The following UNC13C variants were observed in gnomAD, a reference collection of about 807,000 sequenced individuals.
UNC13C encodes protein unc-13 homolog C.
UNC13C carries 174 observed loss-of-function variants against 245.4 expected under a neutral mutation model. The ratio of observed to expected loss-of-function variants is 0.71; its 90% CI spans 0.63 to 0.80. The LOEUF is 0.80. UNC13C is among the 30% of genes least tolerant of loss of function. UNC13C has a pLI of 0.00. For missense variants in UNC13C, 2,829 were observed against 2,602.9 expected (o/e 1.09, Z -1.89); for synonymous variants, 992 against 895.1 (o/e 1.11, Z -1.93).
intron 19 of UNC13C, among the ~76,000 whole-genome samples, chr15:54,490,053 T>C (rs570803142): frequency 6.6e-6 from 1 of 152,234 alleles, no homozygotes; most frequent in Admixed American, 6.5e-5. Context: ...AAATATCAGC[T>C]GATAGTGCAT....
the UNC13C span, among the ~76,000 whole-genome samples, chr15:53,873,854 C>CTCT: frequency 1.5e-5 from 2 of 131,640 alleles, no homozygotes; most frequent in African/African-American, 2.8e-5. Context: ...AGCATCTATC[C>CTCT]CTCTCTCTCT....
rs189426175 is a variant in UNC13C, at chr15:54,424,114, A to G, written c.4933+9047A>G. Among the ~76,000 whole-genome samples, 14 of 152,016 alleles carry G rather than the reference A, an allele frequency of 9.2e-5. 1 individual carries two copies. Among genetic ancestry groups the G allele is most frequent in the Admixed American group, 7.2e-4 (11 of 15,230 alleles). On this transcript the variant is annotated intron_variant, in intron 19 of 32. Coordinates refer to ENST00000260323, the MANE Select transcript of UNC13C (RefSeq NM_001080534.3). ...TATTATCTAAACTACTTGAACTTGA[A>G]TTGTGGAACTTGTAAATTTGGCTGT...
chr15:53,879,693 A>T, the UNC13C span, among the ~76,000 whole-genome samples: 1 of 152,084 alleles, frequency 6.6e-6, no homozygotes, highest in African/African-American at 2.4e-5. Context: ...GGTTCAAGCA[A>T]TTCTCTGCCT....
intron 2 of UNC13C, among the ~76,000 whole-genome samples, chr15:54,104,759 A>C (rs1186394222): frequency 6.6e-6 from 1 of 151,210 alleles, no homozygotes; most frequent in Admixed American, 6.6e-5. Context: ...TTGATTTTCC[A>C]GTTTGATTGT....
chr15:54,620,863 G>C (rs142206747), intron 30 of UNC13C, among the ~76,000 whole-genome samples: 51 of 151,952 alleles, frequency 3.4e-4, no homozygotes, highest in African/African-American at 1.1e-3. Flanking sequence ...AAAGATAAAG[G>C]TATGACCTCC....
intron 2 of UNC13C, among the ~76,000 whole-genome samples, chr15:54,097,955 G>T (rs1426261965): frequency 2.6e-5 from 4 of 152,154 alleles, no homozygotes; most frequent in East Asian, 1.9e-4. Flanking sequence ...TATGCGAAAT[G>T]ACTGTGAACG....
intron 25 of UNC13C, among the ~76,000 whole-genome samples, chr15:54,526,698 C>T (rs1401435379): frequency 4.2e-5 from 6 of 143,008 alleles, no homozygotes; most frequent in Non-Finnish European, 6.0e-5. Context: ...GAGCCGAGAT[C>T]GCACCACTGC....
intron 28 of UNC13C, among the ~76,000 whole-genome samples, chr15:54,552,710 T>TATA (rs1896861805): frequency 1.1e-5 from 1 of 88,710 alleles, no homozygotes; most frequent in Non-Finnish European, 1.9e-5. Context: ...TATATAATTA[T>TATA]ATTATATTGT....
chr15:54,006,676 A>G (rs546624689), intron 1 of UNC13C, among the ~76,000 whole-genome samples: 11 of 152,282 alleles, frequency 7.2e-5, no homozygotes, highest in African/African-American at 2.4e-4. Flanking sequence ...ATTCTAGAGG[A>G]TGCTTTTTAA....
the UNC13C span, among the ~76,000 whole-genome samples, chr15:53,934,604 C>G: frequency 6.6e-6 from 1 of 152,166 alleles, no homozygotes; most frequent in Non-Finnish European, 1.5e-5. Flanking sequence ...TCCAATCCCT[C>G]AAATAGTCGT....
chr15:54,003,459 G>A lies in UNC13C; in HGVS notation c.-256-9189G>A, dbSNP rs182021261. Among the ~76,000 whole-genome samples, 510 of 152,228 alleles carry A rather than the reference G, an allele frequency of 3.4e-3. 8 individuals are homozygous for A. Among genetic ancestry groups the A allele is most frequent in the Non-Finnish European group, 3.3e-3 (222 of 68,018 alleles). On this transcript the variant is annotated intron_variant, in intron 1 of 32. Coordinates refer to ENST00000260323, the MANE Select transcript of UNC13C (RefSeq NM_001080534.3). Reference sequence around the variant, plus strand: ...GGCAAAGCTTATTCAAGGTTCCTCAGTAGCTCATTTCTGGAATACCCTCTT... The same window carrying A: ...GGCAAAGCTTATTCAAGGTTCCTCAATAGCTCATTTCTGGAATACCCTCTT...
At chr15:54,326,772 C>A (rs909663944) in intron 14 of UNC13C, among the ~76,000 whole-genome samples, 2 of 151,964 alleles carry the variant, frequency 1.3e-5, no homozygotes, top group Admixed American at 1.3e-4. Flanking sequence ...CAAAAGGTAA[C>A]TCAGGGAGTA....
At chr15:54,386,687 G>A (rs2039844542) in intron 17 of UNC13C, among the ~76,000 whole-genome samples, 1 of 152,260 alleles carries the variant, frequency 6.6e-6, no homozygotes, top group Non-Finnish European at 1.5e-5. Context: ...ATCAGATATG[G>A]TCTAGACATT....
At chr15:53,852,376 G>A in the UNC13C span, among the ~76,000 whole-genome samples, 1 of 152,112 alleles carries the variant, frequency 6.6e-6, no homozygotes, top group Non-Finnish European at 1.5e-5. Context: ...CAGGCCTTAT[G>A]TGAGCTCTAG....
At chr15:54,108,611 C>G (rs1900583894) in intron 2 of UNC13C, among the ~76,000 whole-genome samples, 1 of 152,100 alleles carries the variant, frequency 6.6e-6, no homozygotes, top group African/African-American at 2.4e-5. Context: ...AGCAAGTTTT[C>G]TTAACTTTTA....
the UNC13C span, among the ~76,000 whole-genome samples, chr15:53,883,186 G>A: frequency 6.6e-6 from 1 of 152,040 alleles, no homozygotes; most frequent in African/African-American, 2.4e-5. Flanking sequence ...TTAAAATGAT[G>A]AAATTTATTA....
the UNC13C span, among the ~76,000 whole-genome samples, chr15:53,960,340 T>TG: frequency 1.2e-4 from 19 of 152,012 alleles, no homozygotes; most frequent in South Asian, 2.5e-3. Context: ...ATCATGTTTT[T>TG]TTTTTTTTTC....
Position 54,457,908 on chromosome 15 carries a change from T to C in UNC13C, c.4934-36700T>C, listed in dbSNP as rs201383076. On this transcript the variant is annotated intron_variant, in intron 19 of 32. Transcript: ENST00000260323. ...CTGCTTTTCGTTTTTTTTTTTTTCC[T>C]TTTTTTTTTCTGCTACTGGATTTGG... Among the ~76,000 whole-genome samples, 43 of 134,040 alleles carry C rather than the reference T, an allele frequency of 3.2e-4. No homozygotes were observed. In the East Asian group the frequency reaches 5.1e-3, roughly 16 times the overall value. The allele number at this position is 134,040 out of a possible 152,430, so 87.9% of individuals were successfully genotyped here.
chr15:53,935,005 T>C, the UNC13C span, among the ~76,000 whole-genome samples: 1 of 152,204 alleles, frequency 6.6e-6, no homozygotes, highest in African/African-American at 2.4e-5. Flanking sequence ...TATATTCTCA[T>C]ATCTATTTTA....
Sources: allele counts gnomAD v4.1 joint callset (sites outside exome capture counted in the v4.1 genomes callset), GRCh38; gene constraint gnomAD v4.1.1; transcripts MANE v1.5; gene names NCBI Gene and HGNC (gene_info 2026-07-23, HGNC 2026-07-21).